Variants in WNK1 observed in about 807,000 individuals in gnomAD.
WNK1 encodes serine/threonine-protein kinase WNK1.
In WNK1, 38 loss-of-function variants were observed where a neutral mutation model predicts 222.8. The observed-to-expected ratio is 0.17, with a 90% CI of 0.13 to 0.22. The LOEUF (loss-of-function observed/expected upper bound fraction) is 0.22. Ranked by LOEUF, WNK1 falls within the 10% of genes least tolerant of loss-of-function variation. The pLI, the probability that WNK1 is intolerant of heterozygous loss-of-function variation, is 1.00. For synonymous variants in WNK1, 1,090 were observed against 1,092.9 expected (o/e 1.00, Z 0.05); for missense variants, 2,348 against 2,918.4 (o/e 0.80, Z 4.50).
At chr12:773,515 T>C (rs991340172) in intron 1 of WNK1, among the ~76,000 whole-genome samples, 3 of 152,168 alleles carry the variant, frequency 2.0e-5, no homozygotes, top group African/African-American at 4.8e-5. Flanking sequence ...CTCAGAGATA[T>C]CTTAAAAAAC....
chr12:853,385 G>C (rs1377872048), intron 4 of WNK1, among the ~76,000 whole-genome samples: 1 of 152,198 alleles, frequency 6.6e-6, no homozygotes, highest in Non-Finnish European at 1.5e-5. Context: ...GATAATCAAG[G>C]ATGAAAGCAG....
intron 4 of WNK1, chr12:851,529 G>A: frequency 8.5e-7 from 1 of 1,173,484 alleles, no homozygotes; most frequent in Non-Finnish European, 1.1e-6. Flanking sequence ...GCTGAGTAGA[G>A]CAAATTCCTG....
chr12:893,352 G>A (rs1029221658), intron 22 of WNK1, among the ~76,000 whole-genome samples: 1 of 152,158 alleles, frequency 6.6e-6, no homozygotes, highest in African/African-American at 2.4e-5. Flanking sequence ...CATAGGGTAT[G>A]ACACTATGCA....
At chr12:872,418 G>A (rs1335576021) in intron 9 of WNK1, among the ~76,000 whole-genome samples, 1 of 152,160 alleles carries the variant, frequency 6.6e-6, no homozygotes, top group Non-Finnish European at 1.5e-5. Flanking sequence ...CAAAGTGCTG[G>A]GAGCCACTGT....
chr12:830,237 T>G, intron 4 of WNK1, 77 bp downstream of exon 4: 1 of 1,526,740 alleles, frequency 6.5e-7, no homozygotes, highest in Non-Finnish European at 9.0e-7. Context: ...CATCAAACCA[T>G]GTAAAAGAGG....
At position 909,528 on chromosome 12, in the gene WNK1, G is replaced by A. The variant is rs544759756; in HGVS notation, c.*736G>A. The A allele has an allele frequency of 2.0e-5, 3 of 152,214 alleles. No individual in the cohort carries two copies. Among genetic ancestry groups the A allele is most frequent in the East Asian group, 1.9e-4 (1 of 5,186 alleles). 9.4% of individuals were successfully genotyped at this position (152,214 alleles called of 1,614,324 possible). The stretch of plus-strand genomic sequence containing the variant: ...TAGTTTTAAGAGTAAAATATGAAAC[G>A]TTTAAAAAGTTCCAAAAAAAGCTAG... On this transcript the variant is annotated 3_prime_UTR_variant, in exon 28 of 28. Coordinates refer to ENST00000315939, the MANE Select transcript of WNK1 (RefSeq NM_018979.4).
intron 9 of WNK1, among the ~76,000 whole-genome samples, chr12:871,971 A>G (rs1311258042): frequency 1.3e-5 from 2 of 152,184 alleles, no homozygotes; most frequent in African/African-American, 2.4e-5. Context: ...CACTGCTTGC[A>G]GCAGTGATTT....
chr12:809,068 A>T (rs368900635), intron 1 of WNK1, among the ~76,000 whole-genome samples: 4 of 151,558 alleles, frequency 2.6e-5, no homozygotes, highest in African/African-American at 7.3e-5. Context: ...CTGGCCTCCT[A>T]TCTCTCTTAT....
At chr12:875,250 T>A (rs1952501791) in intron 9 of WNK1, among the ~76,000 whole-genome samples, 1 of 152,178 alleles carries the variant, frequency 6.6e-6, no homozygotes, top group Non-Finnish European at 1.5e-5. Context: ...TGCCCAAAGA[T>A]AACATGGGAA....
chr12:830,428 A>G (rs1948703133), intron 4 of WNK1, among the ~76,000 whole-genome samples: 1 of 152,208 alleles, frequency 6.6e-6, no homozygotes, highest in Non-Finnish European at 1.5e-5. Flanking sequence ...CTCATTACCT[A>G]CTTTTTAACC....
intron 20 of WNK1, among the ~76,000 whole-genome samples, chr12:887,790 A>G (rs1198734475): frequency 6.6e-6 from 1 of 152,162 alleles, no homozygotes; most frequent in East Asian, 1.9e-4. Flanking sequence ...TAGCTTACTT[A>G]TAGGTAGGTA....
At chr12:762,733 T>A (rs1038177216) in intron 1 of WNK1, among the ~76,000 whole-genome samples, 2 of 147,422 alleles carry the variant, frequency 1.4e-5, no homozygotes, top group African/African-American at 4.9e-5. Flanking sequence ...GGATAATGGT[T>A]ATTTTTTTCT....
chr12:885,069 T>G lies in WNK1; in HGVS notation c.4265T>G (p.Val1422Gly), dbSNP rs779654189. The change falls in exon 19 of 28, where the codon GTC (valine) becomes GGC (glycine). Residue 1422 changes from valine (V) to glycine (G), a missense_variant. Val to Gly is a moderately radical substitution (Grantham distance 109, BLOSUM62 -3). Coordinates refer to ENST00000315939, the MANE Select transcript of WNK1 (RefSeq NM_018979.4). ...VVSSITIPAV[V>G]SISTTSPSLQ... ...TCAAGTATCACAATACCTGCAGTTG[T>G]CTCAATATCTACTACATCCCCGTCA... The G allele has an allele frequency of 2.9e-5, 47 of 1,614,066 alleles. No homozygotes were observed. Among genetic ancestry groups the G allele is most frequent in the Non-Finnish European group, 4.0e-5 (47 of 1,180,038 alleles).
chr12:760,799 T>C (rs1346756016), intron 1 of WNK1, among the ~76,000 whole-genome samples: 1 of 146,762 alleles, frequency 6.8e-6, no homozygotes. Flanking sequence ...GGGGTCTTGC[T>C]CTGTCGCCCA....
chr12:847,735 G>A (rs576276791), intron 4 of WNK1, among the ~76,000 whole-genome samples: 1 of 150,770 alleles, frequency 6.6e-6, no homozygotes, highest in African/African-American at 2.4e-5. Context: ...CTAGCAGATT[G>A]CCTGATAGCT....
intron 6 of WNK1, among the ~76,000 whole-genome samples, chr12:860,579 A>G (rs1037489692): frequency 6.6e-6 from 1 of 152,202 alleles, no homozygotes; most frequent in Non-Finnish European, 1.5e-5. Flanking sequence ...TTAAATCTTC[A>G]TATTCGTACC....
At chr12:802,978 T>G (rs1946028783) in intron 1 of WNK1, among the ~76,000 whole-genome samples, 6 of 152,144 alleles carry the variant, frequency 3.9e-5, no homozygotes, top group Admixed American at 3.9e-4. Context: ...ATGAACAAGA[T>G]TTAGCCAAAA....
chr12:859,205 G>C, intron 5 of WNK1, 40 bp from the exon 6 acceptor site: 1 of 1,531,286 alleles, frequency 6.5e-7, no homozygotes, highest in Non-Finnish European at 9.0e-7. Flanking sequence ...AACTAATGGT[G>C]TTTTATTTTT....
rs927589474 is a variant in WNK1 at position 864,485 on chromosome 12, A to G, written c.2139+2215A>G. On this transcript the variant is annotated intron_variant, in intron 8 of 27. Coordinates refer to ENST00000315939, the MANE Select transcript of WNK1 (RefSeq NM_018979.4). ...TTTGTAAAAGTACAAAATATTTCCT[A>G]TATCCAGTTGTGAATTTCTTCTAGA... is the stretch of plus-strand genomic sequence containing the variant. 1.9e-4 allele frequency among the ~76,000 whole-genome samples: 29 copies of G among 152,138 alleles called. 1 individual carries two copies. Among genetic ancestry groups the G allele is most frequent in the African/African-American group, 6.3e-4 (26 of 41,420 alleles).
Sources: allele counts gnomAD v4.1 joint callset (sites outside exome capture counted in the v4.1 genomes callset), GRCh38; gene constraint gnomAD v4.1.1; transcripts MANE v1.5; gene names NCBI Gene and HGNC (gene_info 2026-07-23, HGNC 2026-07-21).